MAGI2: variants seen among roughly 807,000 people sequenced by gnomAD.
The protein encoded by MAGI2 is membrane associated guanylate kinase, WW and PDZ domain containing 2.
Under a neutral mutation model 133.3 loss-of-function variants are expected in MAGI2, and 35 were observed. The observed-to-expected ratio is 0.26, with a 90% CI of 0.20 to 0.35. MAGI2 has a LOEUF of 0.35. Ranked by LOEUF, MAGI2 falls within the 10% of genes least tolerant of loss-of-function variation. The probability of loss-of-function intolerance (pLI) is 1.00; values close to 1 mark genes in which losing one functional copy is unlikely to be tolerated. For missense variants in MAGI2, 1,636 were observed against 1,863.4 expected, an observed-to-expected ratio of 0.88 and a Z score of 2.25; for synonymous variants, 729 against 710.6, an observed-to-expected ratio of 1.03 and a Z score of -0.41.
intron 2 of MAGI2, among the ~76,000 whole-genome samples, chr7:78,976,472 T>C (rs1351653292): frequency 6.6e-6 from 1 of 151,270 alleles, no homozygotes; most frequent in East Asian, 1.9e-4. Flanking sequence ...AATAAATAAA[T>C]AAATAAATAA....
intron 1 of MAGI2, among the ~76,000 whole-genome samples, chr7:79,168,027 C>T (rs376930381): frequency 6.6e-6 from 1 of 152,242 alleles, no homozygotes; most frequent in East Asian, 1.9e-4. Flanking sequence ...ACTAGGGAGA[C>T]CCATACCTTT....
chr7:79,081,110 A>G (rs1332483632), intron 1 of MAGI2, among the ~76,000 whole-genome samples: 2 of 152,076 alleles, frequency 1.3e-5, no homozygotes, highest in East Asian at 1.9e-4. Context: ...TACATGCCCA[A>G]TTTGACAGTG....
At chr7:78,809,520 T>A (rs1009253722) in intron 2 of MAGI2, among the ~76,000 whole-genome samples, 5 of 152,218 alleles carry the variant, frequency 3.3e-5, no homozygotes, top group African/African-American at 9.6e-5. Flanking sequence ...GTGAGTCTAT[T>A]TAATTCTGGT....
At chr7:78,335,660 G>A (rs1415677851) in intron 9 of MAGI2, among the ~76,000 whole-genome samples, 1 of 152,116 alleles carries the variant, frequency 6.6e-6, no homozygotes, top group Non-Finnish European at 1.5e-5. Flanking sequence ...CACCCCACTA[G>A]ACAAGGGTTG....
intron 1 of MAGI2, among the ~76,000 whole-genome samples, chr7:79,153,161 C>A (rs1005639900): frequency 2.6e-5 from 4 of 151,952 alleles, no homozygotes; most frequent in Non-Finnish European, 5.9e-5. Context: ...AAATAAATAC[C>A]CAGGATAGTT....
rs191650969 is a variant in MAGI2, at chr7:78,046,395, C to G, written c.3707-26419G>C. 7.0e-5 allele frequency among the ~76,000 whole-genome samples: 10 copies of G among 142,216 alleles called. No individual in the cohort carries two copies. The East Asian group carries it at 2.1e-3, about 29-fold the overall frequency. The allele number at this position is 142,216 out of a possible 152,430, so 93.3% of individuals were successfully genotyped here. On this transcript the variant is annotated intron_variant, in intron 21 of 21. Coordinates refer to ENST00000354212, the MANE Select transcript of MAGI2 (RefSeq NM_012301.4). ...CCAACCTGGGTAACAGAGCGAGACT[C>G]TGTCTCAAAAAAAAACAAAAAAAAA...
chr7:78,741,376 A>AACACACACAC (rs55784786), intron 2 of MAGI2, among the ~76,000 whole-genome samples: 77 of 117,538 alleles, frequency 6.6e-4, no homozygotes, highest in African/African-American at 1.9e-3. Context: ...AAAAAGTTGA[A>AACACACACAC]ACACACACAC....
intron 1 of MAGI2, among the ~76,000 whole-genome samples, chr7:79,136,075 AAG>A (rs1821493872): frequency 1.1e-5 from 1 of 88,188 alleles, no homozygotes; most frequent in Non-Finnish European, 2.3e-5. Flanking sequence ...GAAGGAAAGA[AAG>A]AAAGAAAGAA....
chr7:79,326,816 T>A (rs965443782), intron 1 of MAGI2, among the ~76,000 whole-genome samples: 2 of 152,116 alleles, frequency 1.3e-5, no homozygotes, highest in Non-Finnish European at 2.9e-5. Flanking sequence ...ATGTTCAAGA[T>A]CAGAATGGCA....
chr7:78,028,603 C>T (rs1033828672), intron 21 of MAGI2, among the ~76,000 whole-genome samples: 3 of 152,030 alleles, frequency 2.0e-5, no homozygotes, highest in Admixed American at 1.3e-4. Context: ...ACCTGTAATC[C>T]CAGCACTTTG....
At chr7:78,202,559 T>C (rs2150764085) in intron 10 of MAGI2, among the ~76,000 whole-genome samples, 1 of 151,658 alleles carries the variant, frequency 6.6e-6, no homozygotes, top group South Asian at 2.1e-4. Flanking sequence ...GGCATGCACC[T>C]GTAATCCCAG....
intron 3 of MAGI2, chr7:78,616,533 A>T (rs1433965412): frequency 6.6e-6 from 1 of 152,170 alleles, no homozygotes; most frequent in Non-Finnish European, 1.5e-5. Context: ...GAATTAGTGT[A>T]GGGAAAACCA....
At chr7:78,524,995 T>TA (rs891334358) in intron 3 of MAGI2, among the ~76,000 whole-genome samples, 5 of 151,884 alleles carry the variant, frequency 3.3e-5, no homozygotes, top group Admixed American at 6.6e-5. Context: ...TTCCCTGAAG[T>TA]AAAAAAACCT....
chr7:78,377,725 G>C (rs1398219574), intron 6 of MAGI2, among the ~76,000 whole-genome samples: 1 of 151,578 alleles, frequency 6.6e-6, no homozygotes, highest in South Asian at 2.1e-4. Flanking sequence ...GCAACAGAAG[G>C]GGGTGCTCAT....
intron 9 of MAGI2, among the ~76,000 whole-genome samples, chr7:78,304,983 A>T (rs1234948120): frequency 6.6e-6 from 1 of 152,100 alleles, no homozygotes; most frequent in Non-Finnish European, 1.5e-5. Flanking sequence ...TATATTATAG[A>T]TTGATTTGGT....
intron 3 of MAGI2, among the ~76,000 whole-genome samples, chr7:78,604,947 T>G (rs38095): frequency 6.6e-6 from 1 of 151,984 alleles, no homozygotes; most frequent in Admixed American, 6.5e-5. Context: ...CCCCTCATAT[T>G]TTATGTATCC....
chr7:78,584,472 T>C (rs573157827), intron 3 of MAGI2, among the ~76,000 whole-genome samples: 2 of 138,812 alleles, frequency 1.4e-5, no homozygotes, highest in East Asian at 4.0e-4. Context: ...GTTAGACTAA[T>C]GGAGTTTTCT....
chr7:78,431,074 CTGTGTGTG>C (rs147567944), intron 6 of MAGI2, among the ~76,000 whole-genome samples: 4 of 146,430 alleles, frequency 2.7e-5, no homozygotes, highest in Admixed American at 2.1e-4. Flanking sequence ...GTGAGGTAGG[CTGTGTGTG>C]TGTGTGTGTG....
At chr7:79,204,843 C>G (rs117717287) in intron 1 of MAGI2, among the ~76,000 whole-genome samples, 1 of 151,710 alleles carries the variant, frequency 6.6e-6, no homozygotes, top group African/African-American at 2.4e-5. Flanking sequence ...AAAACTGCAA[C>G]CGAAATCATC....
Sources: gnomAD v4.1 joint callset for allele counts (sites outside exome capture counted in the v4.1 genomes callset) on GRCh38, gnomAD v4.1.1 for gene constraint, MANE v1.5 for transcripts, NCBI Gene and HGNC (gene_info 2026-07-23, HGNC 2026-07-21) for gene names.